SHROOM4: variants seen among roughly 807,000 people sequenced by gnomAD.
The protein encoded by SHROOM4 is shroom family member 4.
SHROOM4 carries 17 observed loss-of-function variants against 80.3 expected under a neutral mutation model. That is an observed-to-expected ratio of 0.21 (90% CI 0.14 to 0.32). The LOEUF (loss-of-function observed/expected upper bound fraction) is 0.32. Among genes scored for constraint, SHROOM4 ranks in the 10% least tolerant of loss-of-function variants. The pLI is 1.00. For synonymous variants in SHROOM4, 400 were observed against 437.5 expected (o/e 0.91, Z 1.07); for missense variants, 993 against 1,140.3 (o/e 0.87, Z 1.86).
intron 1 of SHROOM4, among the ~76,000 whole-genome samples, chrX:50,697,147 G>C (rs190517037): frequency 1.8e-5 from 2 of 111,812 alleles, no homozygotes; most frequent in Admixed American, 1.9e-4. Context: ...GAAATTAGTT[G>C]TCTACAGCTT....
chrX:50,614,220 C>A (rs1557250369), intron 5 of SHROOM4, among the ~76,000 whole-genome samples: 1 of 112,277 alleles, frequency 8.9e-6, no homozygotes, highest in East Asian at 2.8e-4. Context: ...ATAAAATAAT[C>A]TTGGCAGGAT....
At chrX:50,661,155 G>T (rs1932495795) in intron 2 of SHROOM4, among the ~76,000 whole-genome samples, 1 of 111,179 alleles carries the variant, frequency 9.0e-6, no homozygotes, top group South Asian at 3.9e-4. Flanking sequence ...CAACTTTCGT[G>T]TTGTCAGATT....
At chrX:50,625,084 G>A (rs1284206205) in intron 5 of SHROOM4, among the ~76,000 whole-genome samples, 2 of 111,338 alleles carry the variant, frequency 1.8e-5, no homozygotes, top group African/African-American at 3.3e-5. Flanking sequence ...AAAACATCTC[G>A]TGGGGAAAAC....
At chrX:50,762,963 G>T (rs1335044707) in intron 1 of SHROOM4, among the ~76,000 whole-genome samples, 1 of 111,274 alleles carries the variant, frequency 9.0e-6, no homozygotes, top group Non-Finnish European at 1.9e-5. Flanking sequence ...GAAATTTTCA[G>T]CTATTATGCA....
intron 1 of SHROOM4, among the ~76,000 whole-genome samples, chrX:50,772,261 T>C (rs1935412550): frequency 9.0e-6 from 1 of 111,701 alleles, no homozygotes; most frequent in Non-Finnish European, 1.9e-5. Context: ...GTAACAACAA[T>C]AATAGTAGCT....
At chrX:50,615,058 G>A (rs1258845935) in intron 5 of SHROOM4, among the ~76,000 whole-genome samples, 5 of 109,828 alleles carry the variant, frequency 4.6e-5, no homozygotes, top group Non-Finnish European at 9.5e-5. Flanking sequence ...AATGTCTCTT[G>A]TAAAGAGTTG....
At chrX:50,610,779 A>C (rs1288333084) in intron 5 of SHROOM4, among the ~76,000 whole-genome samples, 2 of 112,413 alleles carry the variant, frequency 1.8e-5, no homozygotes, top group Non-Finnish European at 3.7e-5. Context: ...AAGACAAAGA[A>C]GGGCACTATA....
intron 5 of SHROOM4, among the ~76,000 whole-genome samples, chrX:50,623,854 G>A (rs1244468724): frequency 8.9e-6 from 1 of 112,243 alleles, no homozygotes; most frequent in Non-Finnish European, 1.9e-5. Context: ...AAAAAGGAAC[G>A]AAGTACTGAT....
In SHROOM4 at chrX:50,594,563, C is replaced by T. The variant is rs1210606481; in HGVS notation, c.*2132G>A. ...GTCCAGGTAAGTGACCGTTCTTTTC[C>T]CTAGGCCCATATTCCCAAAAAGGTG... On this transcript the variant is annotated 3_prime_UTR_variant, in exon 9 of 9. Coordinates refer to ENST00000376020, the MANE Select transcript of SHROOM4 (RefSeq NM_020717.5). 3 of 111,482 alleles carry T rather than the reference C, an allele frequency of 2.7e-5. No individual in the cohort carries two copies. The highest frequency in any genetic ancestry group is 5.7e-5 in the Non-Finnish European group (3 of 53,093). The allele number at this position is 111,482 out of a possible 1,213,427, so 9.2% of individuals were successfully genotyped here. A position where few individuals can be genotyped will look rare whatever the true frequency, so the allele number is the denominator to read the frequency against.
intron 2 of SHROOM4, among the ~76,000 whole-genome samples, chrX:50,645,820 G>A (rs1051490779): frequency 5.4e-5 from 6 of 111,681 alleles, no homozygotes; most frequent in Non-Finnish European, 7.5e-5. Context: ...CTCAGGAGAC[G>A]TGAACTTGGC....
At chrX:50,621,547 T>C (rs1349393614) in intron 5 of SHROOM4, among the ~76,000 whole-genome samples, 1 of 112,345 alleles carries the variant, frequency 8.9e-6, no homozygotes, top group Non-Finnish European at 1.9e-5. Flanking sequence ...TAATCATTAC[T>C]ATATTCAGTC....
intron 1 of SHROOM4, among the ~76,000 whole-genome samples, chrX:50,808,273 C>T (rs1936268189): frequency 8.9e-6 from 1 of 112,090 alleles, no homozygotes; most frequent in Non-Finnish European, 1.9e-5. Context: ...ACGATTGCAG[C>T]TTAACAAAGG....
intron 1 of SHROOM4, among the ~76,000 whole-genome samples, chrX:50,808,963 C>T (rs782575237): frequency 9.0e-6 from 1 of 110,936 alleles, no homozygotes; most frequent in East Asian, 2.8e-4. Context: ...GGGTTACCAG[C>T]CATACCACCC....
At chrX:50,616,522 TA>T (rs1359015393) in intron 5 of SHROOM4, among the ~76,000 whole-genome samples, 1 of 111,971 alleles carries the variant, frequency 8.9e-6, no homozygotes, top group Non-Finnish European at 1.9e-5. Flanking sequence ...GGTACATGCT[TA>T]AAAAATTCTT....
chrX:50,716,827 A>T (rs782341657), intron 1 of SHROOM4, among the ~76,000 whole-genome samples: 69 of 112,623 alleles, frequency 6.1e-4, no homozygotes, highest in African/African-American at 1.8e-3. Context: ...CTGGAGAACA[A>T]AGTAATGATT....
chrX:50,650,653 C>T (rs1415520866), intron 2 of SHROOM4, among the ~76,000 whole-genome samples: 3 of 111,872 alleles, frequency 2.7e-5, no homozygotes, highest in South Asian at 3.8e-4. Context: ...CCACCGCAAC[C>T]AGCCATAAAA....
chrX:50,583,882 G>C (rs976166013), downstream of SHROOM4, among the ~76,000 whole-genome samples: 2 of 112,357 alleles, frequency 1.8e-5, no homozygotes, highest in South Asian at 3.7e-4. Flanking sequence ...ACACAGTTAA[G>C]TTATGCTCAG....
chrX:50,653,280 C>A (rs1401753689), intron 2 of SHROOM4, among the ~76,000 whole-genome samples: 1 of 111,354 alleles, frequency 9.0e-6, no homozygotes, highest in African/African-American at 3.3e-5. Context: ...AGGTCCTTCG[C>A]ATCCCTTGTA....
chrX:50,608,055 A>G lies in SHROOM4; in HGVS notation c.3087T>C (p.His1029=), dbSNP rs1035063540. 17 of 1,211,464 alleles carry G rather than the reference A, an allele frequency of 1.4e-5. No homozygotes were observed. The highest frequency in any genetic ancestry group is 1.9e-5 in the Non-Finnish European group (17 of 895,432). ...SSLDLLGDFK[H]ALKKSEETSV... ...AAGTTTCCTCTGATTTTTTCAAAGCATGTTTGAAGTCTCCAAGGAGGTCAA... is the reference window on the plus strand; with the variant it reads ...AAGTTTCCTCTGATTTTTTCAAAGCGTGTTTGAAGTCTCCAAGGAGGTCAA... The change falls in exon 6 of 9, where the codon CAT becomes CAC. Residue 1029 remains histidine, a synonymous_variant. Coordinates refer to ENST00000376020, the MANE Select transcript of SHROOM4 (RefSeq NM_020717.5).
Sources: allele counts gnomAD v4.1 joint callset (sites outside exome capture counted in the v4.1 genomes callset), GRCh38; gene constraint gnomAD v4.1.1; transcripts MANE v1.5; gene names NCBI Gene and HGNC (gene_info 2026-07-23, HGNC 2026-07-21).